The following JAK1 variants were observed in gnomAD, a reference collection of about 807,000 sequenced individuals.
The protein encoded by JAK1 is Janus kinase 1, also known as tyrosine-protein kinase JAK1.
In JAK1, 16 loss-of-function variants were observed where a neutral mutation model predicts 136.6. The observed-to-expected ratio is 0.12, with a 90% CI of 0.08 to 0.18. JAK1 has a LOEUF of 0.18. Among genes scored for constraint, JAK1 ranks in the 10% least tolerant of loss-of-function variants. The pLI, the probability that JAK1 is intolerant of heterozygous loss-of-function variation, is 1.00. For missense variants in JAK1, 859 were observed against 1,450.1 expected, an observed-to-expected ratio of 0.59 and a Z score of 6.62; for synonymous variants, 492 against 519.5, an observed-to-expected ratio of 0.95 and a Z score of 0.72.
intron 1 of JAK1, among the ~76,000 whole-genome samples, chr1:65,050,657 G>C (rs562448043): frequency 6.6e-6 from 1 of 152,286 alleles, no homozygotes; most frequent in South Asian, 2.1e-4. Context: ...TTTTACAGAG[G>C]TAACTCCAGC....
intron 9 of JAK1, among the ~76,000 whole-genome samples, chr1:64,859,021 C>T (rs757696288): frequency 7.9e-5 from 12 of 152,204 alleles, no homozygotes; most frequent in African/African-American, 1.9e-4. Flanking sequence ...TGGCAGAAGA[C>T]GCTTTTCAAA....
chr1:64,923,086 C>T (rs1259360604), intron 1 of JAK1, among the ~76,000 whole-genome samples: 1 of 152,172 alleles, frequency 6.6e-6, no homozygotes, highest in African/African-American at 2.4e-5. Flanking sequence ...GAAACAATTG[C>T]AGGTTCTTTC....
chr1:64,854,055 C>G (rs989126626), intron 11 of JAK1, among the ~76,000 whole-genome samples: 8 of 152,214 alleles, frequency 5.3e-5, no homozygotes, highest in Non-Finnish European at 1.5e-5. Flanking sequence ...GGAAAATCCT[C>G]AAGCATGAAA....
chr1:64,964,282 G>A (rs563574718), intron 1 of JAK1, among the ~76,000 whole-genome samples: 2 of 152,314 alleles, frequency 1.3e-5, no homozygotes, highest in South Asian at 2.1e-4. Flanking sequence ...CATACAAAAT[G>A]GGATGTGTCT....
In JAK1 at chr1:65,001,707, C is replaced by T. The variant is rs868109895; in HGVS notation, c.-78+42773G>A. 2.8e-4 allele frequency among the ~76,000 whole-genome samples: 41 copies of T among 147,250 alleles called. 3 individuals carry two copies. The South Asian group carries it at 3.7e-3, about 13-fold the overall frequency. On this transcript the variant is annotated intron_variant, in intron 2 of 25. Coordinates refer to the JAK1 transcript ENST00000671954. ...GGGGGGGGTATGTGTGCCTGAAAGG[C>T]AGCAAGTGTGTGTGCGTGTGGTATG...
intron 11 of JAK1, among the ~76,000 whole-genome samples, chr1:64,855,241 G>T (rs373636359): frequency 6.6e-6 from 1 of 152,256 alleles, no homozygotes; most frequent in Non-Finnish European, 1.5e-5. Flanking sequence ...GAAGAAAGAA[G>T]TGATTTTCTG....
At chr1:65,044,065 C>T (rs1647161674) in intron 2 of JAK1, among the ~76,000 whole-genome samples, 1 of 152,090 alleles carries the variant, frequency 6.6e-6, no homozygotes, top group African/African-American at 2.4e-5. Flanking sequence ...CTGTGTTGGC[C>T]AGGCTGGTCT....
At chr1:64,936,721 T>C (rs549213136) in intron 1 of JAK1, among the ~76,000 whole-genome samples, 1 of 152,288 alleles carries the variant, frequency 6.6e-6, no homozygotes, top group South Asian at 2.1e-4. Context: ...CCTCATTTGC[T>C]TGTAAAAAGA....
chr1:64,950,913 G>C (rs1354584209), intron 1 of JAK1, among the ~76,000 whole-genome samples: 1 of 152,162 alleles, frequency 6.6e-6, no homozygotes, highest in Non-Finnish European at 1.5e-5. Context: ...TAAACACTCT[G>C]ATTCCTTTAT....
intron 13 of JAK1, 72 bp from the exon 14 acceptor site, chr1:64,846,808 G>C: frequency 8.3e-7 from 1 of 1,210,398 alleles, no homozygotes; most frequent in Non-Finnish European, 1.2e-6. Context: ...GCTCTGTTGA[G>C]GGGAAAGCCA....
chr1:65,065,762 G>T (rs561118385), intron 1 of JAK1, among the ~76,000 whole-genome samples: 2 of 150,916 alleles, frequency 1.3e-5, no homozygotes, highest in South Asian at 4.2e-4. Context: ...GGCTGCTTAG[G>T]CCTGGCTCTG....
intron 13 of JAK1, among the ~76,000 whole-genome samples, chr1:64,847,237 T>C (rs775233904): frequency 9.2e-5 from 14 of 152,134 alleles, no homozygotes; most frequent in Non-Finnish European, 1.6e-4. Context: ...TTTGAACCAT[T>C]TGGCCAGAGT....
At chr1:64,921,981 C>A (rs1295734556) in intron 1 of JAK1, among the ~76,000 whole-genome samples, 3 of 151,906 alleles carry the variant, frequency 2.0e-5, no homozygotes, top group Non-Finnish European at 4.4e-5. Flanking sequence ...CAAAGTTGCA[C>A]AAGCAGAGTA....
Position 64,879,043 on chromosome 1 carries a change from C to G in JAK1, c.311G>C (p.Arg104Pro). 6.2e-7 allele frequency: 1 copy of G among 1,613,906 alleles called. No homozygotes were observed. The highest frequency in any genetic ancestry group is 1.3e-5 in the African/African-American group (1 of 74,988). The change falls in exon 4 of 25, where the codon CGG (arginine) becomes CCG (proline). Residue 104 changes from arginine to proline, a missense_variant. Around this residue, in one of 4 missense-constraint regions of JAK1, gnomAD observed 353 missense variants for 494.0 expected, o/e 0.71. Coordinates refer to ENST00000342505, the MANE Select transcript of JAK1 (RefSeq NM_002227.4). The part of the protein sequence containing the change: ...TITVDDKMSL[R>P]LHYRMRFYFT... Reference sequence around the variant, plus strand: ...CCCATACCTCATCCGGTAGTGGAGCCGGAGGGACATCTTGTCATCAACGGT... The same window carrying G: ...CCCATACCTCATCCGGTAGTGGAGCGGGAGGGACATCTTGTCATCAACGGT...
chr1:65,060,970 T>C (rs1480071979), intron 1 of JAK1, among the ~76,000 whole-genome samples: 1 of 152,190 alleles, frequency 6.6e-6, no homozygotes, highest in Non-Finnish European at 1.5e-5. Flanking sequence ...TGATGTAAAA[T>C]GCTTTCTTCC....
rs192201892 is a variant in JAK1 at position 65,037,085 on chromosome 1, C to T, written c.-78+7395G>A. ...CCTATAGTCCCAGCTATTCAGGAGG[C>T]TGAGGTGGGAGGATCACTTAAGCCC... On this transcript the variant is annotated intron_variant, in intron 2 of 25. Transcript: ENST00000671954. 2.0e-5 allele frequency among the ~76,000 whole-genome samples: 3 copies of T among 152,250 alleles called. No homozygotes were observed. The East Asian group carries it at 5.8e-4, about 29-fold the overall frequency.
chr1:64,917,182 G>T lies in JAK1; in HGVS notation c.-77-30841C>A, dbSNP rs375631775. 2.6e-5 allele frequency among the ~76,000 whole-genome samples: 4 copies of T among 152,220 alleles called. 1 individual carries two copies. The highest frequency in any genetic ancestry group is 9.6e-5 in the African/African-American group (4 of 41,544). ...GGCTACATTCAAAAGATCAAAAATT[G>T]AGAATATTCTCAGGCTTTTTAACAG... On this transcript the variant is annotated intron_variant, in intron 1 of 24. Coordinates refer to ENST00000342505, the MANE Select transcript of JAK1 (RefSeq NM_002227.4).
At chr1:64,878,930 C>T (rs2101213500) in intron 4 of JAK1, 95 bp downstream of exon 4, 1 of 1,229,538 alleles carries the variant, frequency 8.1e-7, no homozygotes, top group Non-Finnish European at 1.1e-6. Flanking sequence ...AAAATGACTA[C>T]AATACTTCTT....
In JAK1 at chr1:64,844,940, A is replaced by G. The variant is rs762099152; in HGVS notation, c.2116-51T>C. 1 of 1,612,290 alleles carries G rather than the reference A, an allele frequency of 6.2e-7. No individual in the cohort carries two copies. Among genetic ancestry groups the G allele is most frequent in the South Asian group, 1.1e-5 (1 of 90,960 alleles). ...GCCAAGCTGCTCCTTCCCGCATTCT[A>G]TTTCCAACCCTGGTCCCTCAGGTCA... On this transcript the variant is annotated intron_variant, in intron 15 of 24. Coordinates refer to ENST00000342505, the MANE Select transcript of JAK1 (RefSeq NM_002227.4). The surrounding 1 kb of genome is among the most constrained non-coding windows in gnomAD (Gnocchi z 5.7).
Sources: allele counts gnomAD v4.1 joint callset (sites outside exome capture counted in the v4.1 genomes callset), GRCh38; gene constraint gnomAD v4.1.1; regional missense constraint gnomAD v4.1.1; non-coding constraint Gnocchi (gnomAD v3.1); transcripts MANE v1.5; gene names NCBI Gene and HGNC (gene_info 2026-07-23, HGNC 2026-07-21).